PDIA3: variants seen among roughly 807,000 people sequenced by gnomAD.
PDIA3 encodes protein disulfide isomerase family A member 3.
Under a neutral mutation model 56.9 loss-of-function variants are expected in PDIA3, and 16 were observed. The ratio of observed to expected loss-of-function variants is 0.28; its 90% CI spans 0.19 to 0.43. The LOEUF (loss-of-function observed/expected upper bound fraction) is 0.43, where lower values mean the gene tolerates loss of function less well. PDIA3 is among the 20% of genes least tolerant of loss of function. PDIA3 has a pLI of 1.00. For synonymous variants in PDIA3, 192 were observed against 216.5 expected (o/e 0.89, Z 0.99); for missense variants, 485 against 621.3 (o/e 0.78, Z 2.33).
At position 43,771,488 on chromosome 15, in the gene PDIA3, T is replaced by C. The variant is rs368712209; in HGVS notation, c.*270T>C. ...GGGTGGGGTTGAGTTGGGGGTATTT[T>C]CTAATTTTTTTTGTACATTTGGAAC... On this transcript the variant is annotated 3_prime_UTR_variant, in exon 13 of 13. Transcript: ENST00000300289. The C allele has an allele frequency of 2.1e-6, 1 of 469,302 alleles. No homozygotes were observed. 29.1% of individuals were successfully genotyped at this position (469,302 alleles called of 1,614,324 possible). A position where few individuals can be genotyped will look rare whatever the true frequency, so the allele number is the denominator to read the frequency against.
chr15:43,761,181 G>A, intron 3 of PDIA3, among the ~76,000 whole-genome samples: 1 of 149,720 alleles, frequency 6.7e-6, no homozygotes, highest in East Asian at 2.0e-4. Flanking sequence ...GGCAGAGCTT[G>A]CAGTGAGCTG....
intron 1 of PDIA3, among the ~76,000 whole-genome samples, chr15:43,749,005 A>C (rs1431024716): frequency 1.3e-5 from 2 of 152,034 alleles, no homozygotes; most frequent in African/African-American, 4.8e-5. Context: ...TCCTGACTTC[A>C]GGTGATCTGC....
intron 5 of PDIA3, 78 bp downstream of exon 5, chr15:43,763,284 ACT>A (rs2086828403): frequency 2.0e-6 from 3 of 1,500,206 alleles, no homozygotes; most frequent in Non-Finnish European, 2.7e-6. Context: ...ACAAGGTTTC[ACT>A]CTGTCACCCA....
At chr15:43,754,518 C>T (rs2086764941) in intron 2 of PDIA3, among the ~76,000 whole-genome samples, 1 of 151,512 alleles carries the variant, frequency 6.6e-6, no homozygotes, top group Non-Finnish European at 1.5e-5. Flanking sequence ...TTACTTGAGG[C>T]CAGGAGTTTG....
At chr15:43,755,404 A>G (rs557912898) in intron 2 of PDIA3, among the ~76,000 whole-genome samples, 16 of 152,332 alleles carry the variant, frequency 1.1e-4, no homozygotes, top group African/African-American at 3.4e-4. Flanking sequence ...TAATACGAAA[A>G]TGATATGAGG....
intron 3 of PDIA3, among the ~76,000 whole-genome samples, chr15:43,757,087 C>G (rs538599880): frequency 6.6e-6 from 1 of 152,180 alleles, no homozygotes; most frequent in South Asian, 2.1e-4. Flanking sequence ...GGTCCCTACT[C>G]TTGTGAAGCT....
intron 1 of PDIA3, chr15:43,751,733 C>A (rs1299590352): frequency 7.7e-7 from 1 of 1,299,604 alleles, no homozygotes; most frequent in Non-Finnish European, 1.0e-6. Flanking sequence ...CTGGTTGCTC[C>A]CCAGATTTCT....
chr15:43,753,713 G>C lies in PDIA3; in HGVS notation c.168-111G>C. The C allele has an allele frequency of 4.0e-6, 3 of 746,330 alleles. No homozygotes were observed. The South Asian group carries it at 4.9e-5, about 12-fold the overall frequency. The allele number at this position is 746,330 out of a possible 1,614,324, so 46.2% of individuals were successfully genotyped here. A position where few individuals can be genotyped will look rare whatever the true frequency, so the allele number is the denominator to read the frequency against. ...CATGTGATGATTTTGCTTTTTGGAA[G>C]TGTCTACTAGCTCAAAGGTAGTATT... On this transcript the variant is annotated intron_variant, in intron 1 of 12. Transcript: ENST00000300289.
intron 4 of PDIA3, 54 bp downstream of exon 4, chr15:43,761,585 C>A (rs1302094668): frequency 2.1e-6 from 2 of 947,266 alleles, no homozygotes; most frequent in Non-Finnish European, 3.3e-6. Flanking sequence ...GTTTCCAAAA[C>A]CCTCCATGTC....
chr15:43,769,310 C>A (rs1421840532), intron 9 of PDIA3, among the ~76,000 whole-genome samples: 2 of 152,142 alleles, frequency 1.3e-5, no homozygotes, highest in Non-Finnish European at 2.9e-5. Context: ...ACTTCCTGAA[C>A]ATAGTTTGAC....
chr15:43,764,585 A>G (rs1180019387), intron 5 of PDIA3, among the ~76,000 whole-genome samples: 1 of 152,090 alleles, frequency 6.6e-6, no homozygotes, highest in Non-Finnish European at 1.5e-5. Flanking sequence ...CTCCTGCCTC[A>G]GCCTCCTGAG....
At position 43,773,251 on chromosome 15, in the gene PDIA3, A is replaced by G; in HGVS notation, c.*2033A>G. ...GCTGCAGAGAAAAAGCATCCATGTCAAAAAGTAAAAATTCTCATTCTACCT... is the reference window on the plus strand; with the variant it reads ...GCTGCAGAGAAAAAGCATCCATGTCGAAAAGTAAAAATTCTCATTCTACCT... On this transcript the variant is annotated 3_prime_UTR_variant, in exon 13 of 13. Transcript: ENST00000300289. 1 of 1,613,772 alleles carries G rather than the reference A, an allele frequency of 6.2e-7. No individual in the cohort carries two copies. The highest frequency in any genetic ancestry group is 8.5e-7 in the Non-Finnish European group (1 of 1,179,906).
At chr15:43,757,277 G>T (rs1007234627) in intron 3 of PDIA3, among the ~76,000 whole-genome samples, 1 of 152,198 alleles carries the variant, frequency 6.6e-6, no homozygotes, top group African/African-American at 2.4e-5. Context: ...TTTGGGCCGG[G>T]GCCGGGTGCG....
At chr15:43,748,769 G>T (rs1279966332) in intron 1 of PDIA3, among the ~76,000 whole-genome samples, 1 of 147,672 alleles carries the variant, frequency 6.8e-6, no homozygotes, top group Non-Finnish European at 1.5e-5. Flanking sequence ...GTGTGTGTTT[G>T]TGTATTTTTT....
intron 3 of PDIA3, 107 bp downstream of exon 3, chr15:43,756,873 C>T (rs1319229624): frequency 1.6e-6 from 1 of 622,110 alleles, no homozygotes; most frequent in Non-Finnish European, 2.8e-6. Context: ...AGTCTTAAAA[C>T]TTCCTCATCT....
rs552422663 is a variant in PDIA3 at position 43,755,090 on chromosome 15, C to CTGA, written c.246+1189_246+1191dup. On this transcript the variant is annotated intron_variant, in intron 2 of 12. Coordinates refer to ENST00000300289, the MANE Select transcript of PDIA3 (RefSeq NM_005313.5). ...CCTGTAATCCCAGCACTTTGACAGG[C>CTGA]TGAGGAGGGCGGATCACCTGAGGTC... is the stretch of plus-strand genomic sequence containing the variant. Among the ~76,000 whole-genome samples the CTGA allele has an allele frequency of 2.0e-5, 3 of 152,108 alleles. No individual in the cohort carries two copies. The South Asian group carries it at 6.2e-4, about 32-fold the overall frequency.
Position 43,761,524 on chromosome 15 carries a change from T to C in PDIA3, c.465T>C (p.Ser155=), listed in dbSNP as rs2086816183. Reference sequence around the variant, plus strand: ...AATTCATTAGTGATAAAGATGCCTCTATAGTAGGTAAGTAGCAAATATTAA... The same window carrying C: ...AATTCATTAGTGATAAAGATGCCTCCATAGTAGGTAAGTAGCAAATATTAA... ...FKKFISDKDA[S]IVGFFDDSFS... is the part of the protein sequence containing the mutation. The change falls in exon 4 of 13, where the codon TCT becomes TCC. Residue 155 remains serine (S), a synonymous_variant. Transcript: ENST00000300289. 9 of 1,458,920 alleles carry C rather than the reference T, an allele frequency of 6.2e-6. No individual in the cohort carries two copies. The East Asian group carries it at 2.1e-4, about 34-fold the overall frequency. The allele number at this position is 1,458,920 out of a possible 1,614,324, so 90.4% of individuals were successfully genotyped here.
chr15:43,770,705 G>A (rs749023653), intron 12 of PDIA3, 125 bp downstream of exon 12: 11 of 713,574 alleles, frequency 1.5e-5, no homozygotes, highest in Non-Finnish European at 2.1e-5. Context: ...TTTCGCTCTT[G>A]TTGCCTGGGC....
intron 2 of PDIA3, among the ~76,000 whole-genome samples, chr15:43,754,392 C>CAAAAA (rs1048781007): frequency 2.0e-5 from 1 of 51,226 alleles, no homozygotes; most frequent in Non-Finnish European, 4.1e-5. Context: ...GACTCCGTCT[C>CAAAAA]AAAAAAAAAA....
Sources: gnomAD v4.1 joint callset for allele counts (sites outside exome capture counted in the v4.1 genomes callset) on GRCh38, gnomAD v4.1.1 for gene constraint, MANE v1.5 for transcripts, NCBI Gene and HGNC (gene_info 2026-07-23, HGNC 2026-07-21) for gene names.